Variants in DDX46 observed in about 807,000 individuals in gnomAD.
The protein encoded by DDX46 is probable ATP-dependent RNA helicase DDX46.
DDX46 carries 30 observed loss-of-function variants against 134.9 expected under a neutral mutation model. That is an observed-to-expected ratio of 0.22 (90% CI 0.17 to 0.30). The LOEUF is 0.30. Among genes scored for constraint, DDX46 ranks in the 10% least tolerant of loss-of-function variants. The pLI, the probability that DDX46 is intolerant of heterozygous loss-of-function variation, is 1.00. For synonymous variants in DDX46, 415 were observed against 404.1 expected, an observed-to-expected ratio of 1.03 and a Z score of -0.32; for missense variants, 622 against 1,248.7, an observed-to-expected ratio of 0.50 and a Z score of 7.56.
chr5:134,764,560 T>G (rs1335039036), intron 2 of DDX46, among the ~76,000 whole-genome samples: 6 of 152,130 alleles, frequency 3.9e-5, no homozygotes, highest in African/African-American at 1.4e-4. Context: ...TGGGATTACA[T>G]GTGTGAGCCA....
chr5:134,798,091 C>T (rs1157269893), intron 15 of DDX46, among the ~76,000 whole-genome samples: 2 of 152,006 alleles, frequency 1.3e-5, no homozygotes, highest in Non-Finnish European at 2.9e-5. Context: ...GGAATACAGG[C>T]GTGAGCCACC....
intron 5 of DDX46, among the ~76,000 whole-genome samples, chr5:134,775,365 G>A (rs530382572): frequency 6.6e-6 from 1 of 152,078 alleles, no homozygotes; most frequent in Non-Finnish European, 1.5e-5. Context: ...TGGGATTTTG[G>A]TCCATTGTCT....
At chr5:134,759,060 G>T in intron 1 of DDX46, 105 bp downstream of exon 1, 2 of 1,530,076 alleles carry the variant, frequency 1.3e-6, no homozygotes, top group Non-Finnish European at 1.8e-6. Context: ...GCGGCCCCAC[G>T]TGCGGTCAGC....
chr5:134,788,465 TTAAG>T lies in DDX46; in HGVS notation c.1465-43_1465-40del, dbSNP rs746824145. On this transcript the variant is annotated intron_variant, in intron 11 of 22. Coordinates refer to ENST00000452510, the MANE Select transcript of DDX46 (RefSeq NM_001300860.2). ...AACTAAATGCAGTATTTTTTAGTGT[TTAAG>T]TAAGCATTAGTAATAGACTATAAAG... is the stretch of plus-strand genomic sequence containing the variant. The T allele has an allele frequency of 2.6e-5, 38 of 1,484,546 alleles. No homozygotes were observed. In the South Asian group the frequency reaches 2.8e-4, roughly 11 times the overall value. 92.0% of individuals were successfully genotyped at this position (1,484,546 alleles called of 1,614,324 possible).
At chr5:134,790,244 C>G in intron 12 of DDX46, 1 of 624,478 alleles carries the variant, frequency 1.6e-6, no homozygotes, top group Non-Finnish European at 3.0e-6. Flanking sequence ...ACGAGTTTGA[C>G]AAAATAAAGG....
At position 134,773,792 on chromosome 5, in the gene DDX46, A is replaced by G. The variant is rs756456760; in HGVS notation, c.544A>G (p.Ile182Val). ...EEQRKKAMEN[I>V]GELKKEIEEM... ...GCAACGTAAAAAGGCTATGGAAAAC[A>G]TAGGAGAACTGAAAAAGGAAATCGA... The change falls in exon 5 of 23, where the codon ATA (isoleucine) becomes GTA (valine). Residue 182 changes from isoleucine (I) to valine (V), a missense_variant. Physicochemically the swap from Ile to Val is conservative, Grantham distance 29. Around this residue, in one of 8 missense-constraint regions of DDX46, gnomAD observed 244 missense variants for 349.3 expected, o/e 0.70. Coordinates refer to ENST00000452510, the MANE Select transcript of DDX46 (RefSeq NM_001300860.2). The G allele has an allele frequency of 1.2e-6, 2 of 1,613,038 alleles. No homozygotes were observed. Among genetic ancestry groups the G allele is most frequent in the Admixed American group, 1.7e-5 (1 of 59,700 alleles).
At position 134,811,298 on chromosome 5, in the gene DDX46, G is replaced by T. The variant is rs1206155214; in HGVS notation, c.2226G>T (p.Gly742=). 6.2e-7 allele frequency: 1 copy of T among 1,613,980 alleles called. No individual in the cohort carries two copies. Among genetic ancestry groups the T allele is most frequent in the Admixed American group, 1.7e-5 (1 of 60,012 alleles). ...TAATTAAAGCTCTTGAATTGTCAGG[G>T]ACTGCAGTACCTCCTGATTTAGAGA... The part of the protein sequence containing the change: ...GDIIKALELS[G]TAVPPDLEKL... The change falls in exon 17 of 23, where the codon GGG becomes GGT. Residue 742 remains glycine (G), a synonymous_variant. Coordinates refer to ENST00000452510, the MANE Select transcript of DDX46 (RefSeq NM_001300860.2).
chr5:134,786,056 C>T (rs1252643029), intron 11 of DDX46, among the ~76,000 whole-genome samples: 1 of 152,024 alleles, frequency 6.6e-6, no homozygotes. Context: ...ACCATATTGG[C>T]CAGATTGGTC....
intron 15 of DDX46, among the ~76,000 whole-genome samples, chr5:134,796,816 G>C (rs1754666769): frequency 7.0e-6 from 1 of 142,396 alleles, no homozygotes; most frequent in Admixed American, 7.3e-5. Flanking sequence ...TCATGCCACT[G>C]CACTCCACTC....
rs563604943 is a variant in DDX46, at chr5:134,813,022, A to G, written c.2436+1177A>G. Reference sequence around the variant, plus strand: ...AGTGGCTTGATCTTGGCTCACTGCAACCTCTGCCTCTCAGGTTCAAGTGGT... The same window carrying G: ...AGTGGCTTGATCTTGGCTCACTGCAGCCTCTGCCTCTCAGGTTCAAGTGGT... On this transcript the variant is annotated intron_variant, in intron 18 of 22. Transcript: ENST00000452510. Among the ~76,000 whole-genome samples the G allele has an allele frequency of 2.4e-3, 368 of 152,038 alleles. 1 individual carries two copies. The highest frequency in any genetic ancestry group is 8.4e-3 in the African/African-American group (348 of 41,484).
chr5:134,791,034 T>C (rs1264801123), intron 13 of DDX46, among the ~76,000 whole-genome samples: 1 of 152,172 alleles, frequency 6.6e-6, no homozygotes, highest in Non-Finnish European at 1.5e-5. Flanking sequence ...GCCAGGCTGG[T>C]CTCGAACTCC....
intron 15 of DDX46, among the ~76,000 whole-genome samples, chr5:134,805,325 G>A (rs902379546): frequency 1.3e-5 from 2 of 151,726 alleles, no homozygotes; most frequent in Non-Finnish European, 2.9e-5. Flanking sequence ...CTGCCACCAC[G>A]CCTGGCTAAA....
At chr5:134,764,151 C>T (rs982606783) in intron 2 of DDX46, 59 bp downstream of exon 2, 1 of 1,503,630 alleles carries the variant, frequency 6.7e-7, no homozygotes, top group Non-Finnish European at 8.9e-7. Flanking sequence ...TCGGCTATAG[C>T]AGGCTTCTTG....
chr5:134,812,110 G>A (rs1755162701), intron 18 of DDX46, among the ~76,000 whole-genome samples: 1 of 145,932 alleles, frequency 6.9e-6, no homozygotes, highest in Non-Finnish European at 1.5e-5. Flanking sequence ...TGTCACCCAG[G>A]CTGGAGTACG....
intron 3 of DDX46, among the ~76,000 whole-genome samples, chr5:134,768,130 G>A (rs1284072769): frequency 6.7e-6 from 1 of 149,258 alleles, no homozygotes; most frequent in Admixed American, 6.7e-5. Context: ...TTTTTTAACA[G>A]CCAAAGTCTC....
intron 21 of DDX46, among the ~76,000 whole-genome samples, chr5:134,821,700 G>T (rs1331679393): frequency 6.6e-6 from 1 of 151,158 alleles, no homozygotes; most frequent in Non-Finnish European, 1.5e-5. Flanking sequence ...GGGACTACAG[G>T]CAAGCACCAC....
chr5:134,772,476 C>G (rs186012465), intron 4 of DDX46, among the ~76,000 whole-genome samples: 3 of 152,064 alleles, frequency 2.0e-5, no homozygotes, highest in Non-Finnish European at 4.4e-5. Context: ...GAGCTGAGAT[C>G]CCGCCAATGC....
intron 11 of DDX46, 142 bp downstream of exon 11, chr5:134,785,728 G>T (rs2150143265): frequency 2.1e-6 from 2 of 968,956 alleles, no homozygotes; most frequent in East Asian, 5.8e-5. Flanking sequence ...AAAAATAATA[G>T]TAAGAATTAG....
chr5:134,821,669 G>T (rs1200057900), intron 21 of DDX46, among the ~76,000 whole-genome samples: 1 of 150,430 alleles, frequency 6.6e-6, no homozygotes, highest in Non-Finnish European at 1.5e-5. Flanking sequence ...CGGTTCTATT[G>T]CCTCAGCCTC....
Sources: allele counts gnomAD v4.1 joint callset (sites outside exome capture counted in the v4.1 genomes callset), GRCh38; gene constraint gnomAD v4.1.1; regional missense constraint gnomAD v4.1.1; transcripts MANE v1.5; gene names NCBI Gene and HGNC (gene_info 2026-07-23, HGNC 2026-07-21).